The following EPAS1 variants were observed in gnomAD, a reference collection of about 807,000 sequenced individuals.
EPAS1 encodes the protein endothelial PAS domain protein 1, also known as endothelial PAS domain-containing protein 1.
A neutral mutation model predicts 87.9 loss-of-function variants in EPAS1; 23 were observed. The observed-to-expected ratio is 0.26, with a 90% confidence interval of 0.19 to 0.37. The LOEUF (loss-of-function observed/expected upper bound fraction) is 0.37, where lower values mean the gene tolerates loss of function less well. EPAS1 is among the 10% of genes least tolerant of loss of function. The pLI is 1.00. For synonymous variants in EPAS1, 508 were observed against 444.3 expected (o/e 1.14, Z -1.80); for missense variants, 1,138 against 1,120.7 (o/e 1.02, Z -0.22).
At position 46,378,017 on chromosome 2, in the gene EPAS1, C is replaced by T. The variant is rs759002750; in HGVS notation, c.1373C>T (p.Thr458Ile). 1.9e-6 allele frequency: 3 copies of T among 1,601,674 alleles called. No individual in the cohort carries two copies. Among genetic ancestry groups the T allele is most frequent in the Admixed American group, 1.7e-5 (1 of 58,832 alleles). The change falls in exon 10 of 16, where the codon ACC becomes ATC. Residue 458 changes from threonine (T) to isoleucine (I), a missense_variant. Physicochemically the swap from Thr to Ile is moderately conservative, Grantham distance 89. Coordinates refer to ENST00000263734, the MANE Select transcript of EPAS1 (RefSeq NM_001430.5). The stretch of plus-strand genomic sequence containing the variant: ...GAGGCTGGGAGCCTGCCTGCCTTCA[C>T]CGTGCCCCAGGCAGCTGCCCCGGGC... ...QSEAGSLPAF[T>I]VPQAAAPGST...
intron 8 of EPAS1, 56 bp from the exon 9 acceptor site, chr2:46,376,483 A>T: frequency 1.3e-6 from 2 of 1,577,666 alleles, no homozygotes; most frequent in Non-Finnish European, 1.7e-6. Context: ...CATCTAGGGG[A>T]GCAGAATTTT....
Position 46,310,894 on chromosome 2 carries a change from T to A in EPAS1, c.26+12957T>A, listed in dbSNP as rs140032139. ...CAACTGCGTGTTTGGCCTTTTTTTT[T>A]GAGACGGAGTCTCGCTCTGTTGCCC... On this transcript the variant is annotated intron_variant, in intron 1 of 15. Transcript: ENST00000263734. Among the ~76,000 whole-genome samples the A allele has an allele frequency of 1.4e-3, 209 of 152,328 alleles. 1 individual carries two copies. The highest frequency in any genetic ancestry group is 4.0e-3 in the African/African-American group (166 of 41,566).
chr2:46,375,196 A>AC lies in EPAS1; in HGVS notation c.887-494_887-493insC, dbSNP rs968432225. 2.0e-5 allele frequency among the ~76,000 whole-genome samples: 3 copies of AC among 151,612 alleles called. No individual in the cohort carries two copies. Among genetic ancestry groups the AC allele is most frequent in the South Asian group, 2.1e-4 (1 of 4,804 alleles). ...GTCTGCTGAAAAAAAAAAACAAAAAAAAACAAAAAAAACTGCCCTGAGGTC... is the reference window on the plus strand; with the variant it reads ...GTCTGCTGAAAAAAAAAAACAAAAAACAAACAAAAAAAACTGCCCTGAGGTC... On this transcript the variant is annotated intron_variant, in intron 7 of 15. Transcript: ENST00000263734. The surrounding 1 kb of genome is among the most constrained non-coding windows in gnomAD (Gnocchi z 4.1).
At chr2:46,314,327 C>T (rs192751226) in intron 1 of EPAS1, among the ~76,000 whole-genome samples, 3 of 152,298 alleles carry the variant, frequency 2.0e-5, no homozygotes, top group Admixed American at 6.5e-5. Context: ...GTGATTGGGT[C>T]GGTGTCACTC....
chr2:46,342,970 A>G (rs1213132951), intron 1 of EPAS1, among the ~76,000 whole-genome samples: 2 of 152,196 alleles, frequency 1.3e-5, no homozygotes, highest in Non-Finnish European at 2.9e-5. Flanking sequence ...AAATTTGTGC[A>G]TATGAAAATG....
chr2:46,376,475 T>C, intron 8 of EPAS1, 64 bp from the exon 9 acceptor site: 1 of 1,548,808 alleles, frequency 6.5e-7, no homozygotes, highest in Non-Finnish European at 8.9e-7. Flanking sequence ...TTTCCATGCA[T>C]CTAGGGGAGC....
chr2:46,380,535 T>C lies in EPAS1; in HGVS notation c.1863T>C (p.Cys621=), dbSNP rs1684863500. The C allele has an allele frequency of 1.2e-6, 2 of 1,614,176 alleles. No individual in the cohort carries two copies. The highest frequency in any genetic ancestry group is 2.7e-5 in the African/African-American group (2 of 75,042). Residue 621 remains cysteine, a synonymous_variant, in exon 12 of 16, where the codon TGT becomes TGC. Transcript: ENST00000263734. This position sits in a 1 kb window ranked among gnomAD's most constrained non-coding sequence, Gnocchi z 4.4. ...GCAAAGCATCCCTGCCACCGTGCTG[T>C]GGCCAGGCCAGCACCCCTCTCTCTT... ...AGSKASLPPC[C]GQASTPLSSM...
intron 1 of EPAS1, among the ~76,000 whole-genome samples, chr2:46,306,023 G>A (rs536204922): frequency 1.3e-5 from 2 of 152,136 alleles, no homozygotes; most frequent in Non-Finnish European, 2.9e-5. Flanking sequence ...GTGACTAAGG[G>A]GAGTCAGTGG....
At chr2:46,306,238 T>G (rs1420885260) in intron 1 of EPAS1, among the ~76,000 whole-genome samples, 1 of 152,226 alleles carries the variant, frequency 6.6e-6, no homozygotes, top group African/African-American at 2.4e-5. Flanking sequence ...CATTTCACTT[T>G]TGATAAAAAC....
At chr2:46,331,795 C>T (rs577613268) in intron 1 of EPAS1, among the ~76,000 whole-genome samples, 1 of 151,958 alleles carries the variant, frequency 6.6e-6, no homozygotes, top group African/African-American at 2.4e-5. Flanking sequence ...CACACCCCAC[C>T]TCCACTTAGG....
At position 46,300,054 on chromosome 2, in the gene EPAS1, A is replaced by G. The variant is rs1682966577; in HGVS notation, c.26+2117A>G. ...TGGCAGGGCAAACAGCGTGTCCTTC[A>G]CCATCTAGAGCCCCTTAAGGGGTTG... On this transcript the variant is annotated intron_variant, in intron 1 of 15. Coordinates refer to ENST00000263734, the MANE Select transcript of EPAS1 (RefSeq NM_001430.5). The surrounding 1 kb of genome is among the most constrained non-coding windows in gnomAD (Gnocchi z 4.1). Among the ~76,000 whole-genome samples, 1 of 152,130 alleles carries G rather than the reference A, an allele frequency of 6.6e-6. No individual in the cohort carries two copies. Among genetic ancestry groups the G allele is most frequent in the Non-Finnish European group, 1.5e-5 (1 of 68,014 alleles).
At chr2:46,356,441 C>T (rs952530822) in intron 3 of EPAS1, 139 bp downstream of exon 3, 74 of 1,099,560 alleles carry the variant, frequency 6.7e-5, no homozygotes, top group African/African-American at 4.1e-4. Flanking sequence ...TCAGGCCACA[C>T]GCCTCAGGCC....
At position 46,385,773 on chromosome 2, in the gene EPAS1, C is replaced by G. The variant is rs1301503604; in HGVS notation, c.*1113C>G. Reference sequence around the variant, plus strand: ...GGGGTGGGGCGGGGAAGTGCTCTAACTTTTCTTAAGGTTTTGTTGCTAGCC... The same window carrying G: ...GGGGTGGGGCGGGGAAGTGCTCTAAGTTTTCTTAAGGTTTTGTTGCTAGCC... On this transcript the variant is annotated 3_prime_UTR_variant, in exon 16 of 16. Coordinates refer to ENST00000263734, the MANE Select transcript of EPAS1 (RefSeq NM_001430.5). 6.6e-6 allele frequency: 1 copy of G among 152,210 alleles called. No homozygotes were observed. The highest frequency in any genetic ancestry group is 2.4e-5 in the African/African-American group (1 of 41,442). 9.4% of individuals were successfully genotyped at this position (152,210 alleles called of 1,614,324 possible). A position where few individuals can be genotyped will look rare whatever the true frequency, so the allele number is the denominator to read the frequency against.
In EPAS1 at chr2:46,382,285, G is replaced by GC. The variant is rs1684916601; in HGVS notation, c.2288-138dup. On this transcript the variant is annotated intron_variant, in intron 14 of 15. Transcript: ENST00000263734. ...CCATCTCCACTCTGACTTAGATGATGCCATCAGAGGGTCCTGAAGGTTGGC... is the reference window on the plus strand; with the variant it reads ...CCATCTCCACTCTGACTTAGATGATGCCCATCAGAGGGTCCTGAAGGTTGGC... 4 of 1,184,146 alleles carry GC rather than the reference G, an allele frequency of 3.4e-6. No homozygotes were observed. The Admixed American group carries it at 7.2e-5, about 21-fold the overall frequency. 73.4% of individuals were successfully genotyped at this position (1,184,146 alleles called of 1,614,324 possible).
At chr2:46,370,490 G>C (rs1453239218) in intron 7 of EPAS1, among the ~76,000 whole-genome samples, 19 of 152,174 alleles carry the variant, frequency 1.2e-4, no homozygotes, top group Non-Finnish European at 1.5e-5. Context: ...TTCTCAGAGA[G>C]CTTGCTTGCT....
intron 15 of EPAS1, among the ~76,000 whole-genome samples, chr2:46,384,231 G>C (rs1285942576): frequency 6.6e-6 from 1 of 152,202 alleles, no homozygotes; most frequent in Non-Finnish European, 1.5e-5. Flanking sequence ...AGGCATGGGG[G>C]TCAGCAACCC....
intron 1 of EPAS1, among the ~76,000 whole-genome samples, chr2:46,307,088 C>T (rs945363127): frequency 2.0e-5 from 3 of 152,232 alleles, no homozygotes; most frequent in South Asian, 2.1e-4. Context: ...AGATTGCTTT[C>T]GCAGTAAGTT....
chr2:46,379,422 C>G (rs759348596), intron 11 of EPAS1, among the ~76,000 whole-genome samples: 1 of 152,158 alleles, frequency 6.6e-6, no homozygotes, highest in Non-Finnish European at 1.5e-5. Flanking sequence ...TGGCACAAAT[C>G]CCAGCTACTC....
chr2:46,330,205 C>T (rs1287479156), intron 1 of EPAS1, among the ~76,000 whole-genome samples: 3 of 152,190 alleles, frequency 2.0e-5, no homozygotes, highest in East Asian at 1.9e-4. Flanking sequence ...CCCTGACCCC[C>T]GTGATGGCAT....
Sources: allele counts gnomAD v4.1 joint callset (sites outside exome capture counted in the v4.1 genomes callset), GRCh38; gene constraint gnomAD v4.1.1; non-coding constraint Gnocchi (gnomAD v3.1); transcripts MANE v1.5; gene names NCBI Gene and HGNC (gene_info 2026-07-23, HGNC 2026-07-21).